ADRA1B: variants seen among roughly 807,000 people sequenced by gnomAD.
The protein encoded by ADRA1B is adrenoceptor alpha 1B.
A neutral mutation model predicts 17.9 loss-of-function variants in ADRA1B; 17 were observed. That is an observed-to-expected ratio of 0.95 (90% CI 0.65 to 1.42). ADRA1B has a LOEUF of 1.42. ADRA1B is among the 40% of genes most tolerant of loss of function. The pLI, the probability that ADRA1B is intolerant of heterozygous loss-of-function variation, is 0.00. For missense variants in ADRA1B, 681 were observed against 722.1 expected (o/e 0.94, Z 0.65); for synonymous variants, 366 against 327.6 (o/e 1.12, Z -1.27).
the ADRA1B span, among the ~76,000 whole-genome samples, chr5:159,985,889 T>C: frequency 2.6e-5 from 4 of 152,156 alleles, no homozygotes; most frequent in Non-Finnish European, 5.9e-5. Context: ...CCCTTGAGGC[T>C]TTGCAACTTT....
chr5:159,924,892 A>C (rs1455710834), intron 1 of ADRA1B, among the ~76,000 whole-genome samples: 2 of 152,190 alleles, frequency 1.3e-5, no homozygotes, highest in African/African-American at 4.8e-5. Context: ...GCTACCATTT[A>C]TTAGGTCTCA....
At chr5:159,876,878 C>T (rs1439873917) in intron 1 of ADRA1B, among the ~76,000 whole-genome samples, 3 of 152,210 alleles carry the variant, frequency 2.0e-5, no homozygotes, top group African/African-American at 7.2e-5. Context: ...TCTACCACTC[C>T]TCCCTTTCAC....
chr5:159,882,556 G>A (rs1013506454), intron 1 of ADRA1B, among the ~76,000 whole-genome samples: 4 of 152,300 alleles, frequency 2.6e-5, no homozygotes, highest in African/African-American at 9.6e-5. Flanking sequence ...ACAAAAAAGA[G>A]AACAATGATT....
intron 1 of ADRA1B, among the ~76,000 whole-genome samples, chr5:159,935,854 T>C (rs1424435457): frequency 6.6e-6 from 1 of 152,236 alleles, no homozygotes; most frequent in Non-Finnish European, 1.5e-5. Flanking sequence ...GCCTCTTCTA[T>C]ACATTCTTAA....
chr5:159,884,882 T>C (rs972204174), intron 1 of ADRA1B, among the ~76,000 whole-genome samples: 2 of 152,192 alleles, frequency 1.3e-5, no homozygotes, highest in Non-Finnish European at 2.9e-5. Context: ...TGGCACATAA[T>C]CAACTGTCTC....
chr5:159,981,408 C>T, the ADRA1B span, among the ~76,000 whole-genome samples: 21 of 152,146 alleles, frequency 1.4e-4, no homozygotes, highest in Admixed American at 6.5e-4. Context: ...TGGATAGACA[C>T]GTAAGAAACA....
chr5:159,974,428 A>C (rs950268726), downstream of ADRA1B, among the ~76,000 whole-genome samples: 3 of 152,212 alleles, frequency 2.0e-5, no homozygotes, highest in East Asian at 5.8e-4. Context: ...TGAGGTCAGG[A>C]GTTCAAGACC....
At chr5:159,883,912 T>C (rs1308381089) in intron 1 of ADRA1B, among the ~76,000 whole-genome samples, 1 of 152,188 alleles carries the variant, frequency 6.6e-6, no homozygotes, top group African/African-American at 2.4e-5. Context: ...GGAATTGTTA[T>C]CTACACTATG....
At chr5:159,947,610 A>G (rs905125204) in intron 1 of ADRA1B, 4 of 710,514 alleles carry the variant, frequency 5.6e-6, no homozygotes, top group Non-Finnish European at 6.9e-6. Context: ...TCTTTTTTTC[A>G]ATACACTGGC....
intron 1 of ADRA1B, among the ~76,000 whole-genome samples, chr5:159,968,293 G>A (rs1755810114): frequency 6.6e-6 from 1 of 152,050 alleles, no homozygotes; most frequent in Non-Finnish European, 1.5e-5. Flanking sequence ...GTTAGCACAG[G>A]ACCTGCAGAG....
chr5:159,917,985 T>C, intron 1 of ADRA1B, 131 bp downstream of exon 1: 1 of 863,804 alleles, frequency 1.2e-6, no homozygotes, highest in East Asian at 2.5e-5. Flanking sequence ...TGAATAATAT[T>C]GTTTGTTCTG....
At chr5:159,891,669 T>G (rs1376122440) in intron 1 of ADRA1B, among the ~76,000 whole-genome samples, 1 of 152,124 alleles carries the variant, frequency 6.6e-6, no homozygotes, top group Admixed American at 6.5e-5. Context: ...AGTGATTCAT[T>G]GTTGAGAATT....
chr5:159,915,729 A>G (rs1754284371), upstream of ADRA1B, among the ~76,000 whole-genome samples: 3 of 152,180 alleles, frequency 2.0e-5, no homozygotes, highest in African/African-American at 7.2e-5. Context: ...TCCACCCCAC[A>G]AACACCCCAC....
At chr5:159,971,764 T>C in intron 1 of ADRA1B, 115 bp from the exon 2 acceptor site, 1 of 1,148,084 alleles carries the variant, frequency 8.7e-7, no homozygotes, top group Non-Finnish European at 1.1e-6. Flanking sequence ...GGGAAAGGCC[T>C]GGCGGCAGGA....
intron 1 of ADRA1B, among the ~76,000 whole-genome samples, chr5:159,887,677 C>T (rs1188668932): frequency 4.6e-5 from 7 of 152,310 alleles, no homozygotes; most frequent in South Asian, 2.1e-4. Flanking sequence ...ACCTGAACTT[C>T]GGTTTACATG....
Position 159,917,706 on chromosome 5 carries a change from T to C in ADRA1B, c.801T>C (p.Ser267=), listed in dbSNP as rs1417641195. 2 of 1,613,746 alleles carry C rather than the reference T, an allele frequency of 1.2e-6. No individual in the cohort carries two copies. The highest frequency in any genetic ancestry group is 1.7e-6 in the Non-Finnish European group (2 of 1,179,760). ...SKNFHEDTLS[S]TKAKGHNPRS... ...ACTTTCACGAGGACACCCTTAGCAG[T>C]ACCAAGGCCAAGGGCCACAACCCCA... Residue 267 remains serine (S), a synonymous_variant, in exon 1 of 2, where the codon AGT becomes AGC. Coordinates refer to ENST00000306675, the MANE Select transcript of ADRA1B (RefSeq NM_000679.4).
chr5:159,972,462 C>T lies in ADRA1B; in HGVS notation c.1533C>T (p.Ser511=). The stretch of plus-strand genomic sequence containing the variant: ...CCAACGGGCAGCCGGGCTTCAAAAG[C>T]AACATGCCCCTGGCGCCCGGGCAGT... The part of the protein sequence containing the change: ...DVANGQPGFK[S]NMPLAPGQF The change falls in exon 2 of 2, where the codon AGC becomes AGT. Residue 511 remains serine, a synonymous_variant. Coordinates refer to ENST00000306675, the MANE Select transcript of ADRA1B (RefSeq NM_000679.4). 1 of 1,478,518 alleles carries T rather than the reference C, an allele frequency of 6.8e-7. No homozygotes were observed. The allele number at this position is 1,478,518 out of a possible 1,614,324, so 91.6% of individuals were successfully genotyped here. A position where few individuals can be genotyped will look rare whatever the true frequency, so the allele number is the denominator to read the frequency against.
chr5:159,881,180 C>CAAAAAAAAAA (rs35928792), intron 1 of ADRA1B, among the ~76,000 whole-genome samples: 1 of 56,826 alleles, frequency 1.8e-5, no homozygotes, highest in African/African-American at 5.6e-5. Flanking sequence ...GACTCCGTCT[C>CAAAAAAAAAA]AAAAAAAAAA....
chr5:159,918,002 G>A, intron 1 of ADRA1B, 148 bp downstream of exon 1: 1 of 792,394 alleles, frequency 1.3e-6, no homozygotes. Flanking sequence ...TCTGCAAAGG[G>A]TTTGCAGATT....
Sources: allele counts gnomAD v4.1 joint callset (sites outside exome capture counted in the v4.1 genomes callset), GRCh38; gene constraint gnomAD v4.1.1; transcripts MANE v1.5; gene names NCBI Gene and HGNC (gene_info 2026-07-23, HGNC 2026-07-21).